The following POU6F2 variants were observed in gnomAD, a reference collection of about 807,000 sequenced individuals.
POU6F2 encodes POU class 6 homeobox 2, also known as POU domain, class 6, transcription factor 2.
A neutral mutation model predicts 71.3 loss-of-function variants in POU6F2; 31 were observed. That is an observed-to-expected ratio of 0.43 (90% confidence interval 0.33 to 0.59). POU6F2 has a LOEUF of 0.59. POU6F2 is among the 20% of genes least tolerant of loss of function. The pLI is 0.04. For synonymous variants in POU6F2, 347 were observed against 355.7 expected, an observed-to-expected ratio of 0.98 and a Z score of 0.27; for missense variants, 783 against 856.8, an observed-to-expected ratio of 0.91 and a Z score of 1.07.
chr7:39,124,602 A>C (rs1792108734), intron 2 of POU6F2, among the ~76,000 whole-genome samples: 1 of 152,182 alleles, frequency 6.6e-6, no homozygotes, highest in Non-Finnish European at 1.5e-5. Flanking sequence ...GGGCTTAAAC[A>C]CTCATACTGA....
At chr7:39,048,200 C>A in intron 1 of POU6F2, among the ~76,000 whole-genome samples, 1 of 151,690 alleles carries the variant, frequency 6.6e-6, no homozygotes, top group Non-Finnish European at 1.5e-5. Flanking sequence ...TACAAATTTT[C>A]TCTCTTTTTT....
intron 5 of POU6F2, among the ~76,000 whole-genome samples, chr7:39,378,834 T>C (rs1325992200): frequency 2.0e-5 from 3 of 152,246 alleles, no homozygotes; most frequent in Non-Finnish European, 4.4e-5. Context: ...CATGTGCATA[T>C]AGAAGTGTCT....
At chr7:39,039,748 T>C (rs780101746) in intron 1 of POU6F2, among the ~76,000 whole-genome samples, 1 of 151,292 alleles carries the variant, frequency 6.6e-6, no homozygotes, top group Non-Finnish European at 1.5e-5. Flanking sequence ...GAATCTAGTA[T>C]CCCATGAAAG....
chr7:39,123,702 A>C (rs899252603), intron 2 of POU6F2, among the ~76,000 whole-genome samples: 1 of 151,932 alleles, frequency 6.6e-6, no homozygotes, highest in Non-Finnish European at 1.5e-5. Context: ...TAAGGCTTCT[A>C]TTATGACTGC....
intron 5 of POU6F2, among the ~76,000 whole-genome samples, chr7:39,387,344 C>T (rs1786967754): frequency 6.6e-6 from 1 of 152,184 alleles, no homozygotes; most frequent in African/African-American, 2.4e-5. Context: ...AGTTTTTTGT[C>T]TAATACGTGT....
intron 2 of POU6F2, among the ~76,000 whole-genome samples, chr7:39,171,519 T>C (rs1205528802): frequency 2.6e-5 from 4 of 152,200 alleles, no homozygotes; most frequent in Non-Finnish European, 5.9e-5. Flanking sequence ...TCTCTCAGTA[T>C]TGTCTATCTT....
chr7:39,057,980 C>G (rs1790570846), intron 1 of POU6F2, among the ~76,000 whole-genome samples: 1 of 152,146 alleles, frequency 6.6e-6, no homozygotes, highest in African/African-American at 2.4e-5. Flanking sequence ...TCCTGGATGA[C>G]CAGAAATGTT....
Position 39,373,576 on chromosome 7 carries a change from T to C in POU6F2, c.973-33024T>C, listed in dbSNP as rs148377694. ...GATTCAGAACCAAGCACACAGAAAGTGGAGAACTGCCTACCTAGTCTAGCT... is the reference window on the plus strand; with the variant it reads ...GATTCAGAACCAAGCACACAGAAAGCGGAGAACTGCCTACCTAGTCTAGCT... On this transcript the variant is annotated intron_variant, in intron 5 of 9. Transcript: ENST00000518318. 1.9e-3 allele frequency: 857 copies of C among 456,272 alleles called. 5 individuals are homozygous for C. Among genetic ancestry groups the C allele is most frequent in the African/African-American group, 0.016 (791 of 50,184 alleles). The allele number at this position is 456,272 out of a possible 1,614,324, so 28.3% of individuals were successfully genotyped here.
chr7:39,244,255 G>A (rs966408892), intron 4 of POU6F2, among the ~76,000 whole-genome samples: 3 of 152,170 alleles, frequency 2.0e-5, no homozygotes, highest in African/African-American at 7.2e-5. Context: ...ATTTTAAGGT[G>A]CTTCTAAAAG....
intron 4 of POU6F2, among the ~76,000 whole-genome samples, chr7:39,258,081 G>T (rs1038628210): frequency 6.6e-6 from 1 of 152,090 alleles, no homozygotes; most frequent in Non-Finnish European, 1.5e-5. Flanking sequence ...ATAAATTGAG[G>T]CTGAACATAG....
intron 2 of POU6F2, among the ~76,000 whole-genome samples, chr7:39,195,050 A>G (rs916519176): frequency 5.9e-5 from 9 of 152,210 alleles, no homozygotes; most frequent in Non-Finnish European, 1.3e-4. Context: ...CAGACCAAGA[A>G]CCCAGCGGAA....
At chr7:39,456,616 T>A (rs1468489821) in intron 8 of POU6F2, among the ~76,000 whole-genome samples, 1 of 152,134 alleles carries the variant, frequency 6.6e-6, no homozygotes, top group Non-Finnish European at 1.5e-5. Flanking sequence ...TGGACCCCAT[T>A]TTGAATGGGA....
chr7:38,987,368 A>G (rs1194641876), intron 1 of POU6F2, among the ~76,000 whole-genome samples: 1 of 152,144 alleles, frequency 6.6e-6, no homozygotes, highest in East Asian at 1.9e-4. Flanking sequence ...ACCAAACTCA[A>G]CTGAACAAAA....
chr7:38,981,840 ATG>A (rs1411555743), intron 1 of POU6F2, among the ~76,000 whole-genome samples: 1 of 152,196 alleles, frequency 6.6e-6, no homozygotes, highest in Non-Finnish European at 1.5e-5. Context: ...AGTGCTCAGT[ATG>A]TGTGCATGCA....
At chr7:39,176,715 C>G (rs954354573) in intron 2 of POU6F2, among the ~76,000 whole-genome samples, 1 of 152,158 alleles carries the variant, frequency 6.6e-6, no homozygotes, top group African/African-American at 2.4e-5. Context: ...CAAACACATA[C>G]CCCATATCTT....
chr7:39,281,663 A>G (rs1784564789), intron 4 of POU6F2, among the ~76,000 whole-genome samples: 3 of 152,162 alleles, frequency 2.0e-5, no homozygotes, highest in Non-Finnish European at 4.4e-5. Context: ...TTAATATTCC[A>G]TTGTGTGTAT....
intron 4 of POU6F2, among the ~76,000 whole-genome samples, chr7:39,336,654 G>C (rs1211879617): frequency 6.6e-6 from 1 of 152,096 alleles, no homozygotes; most frequent in Non-Finnish European, 1.5e-5. Flanking sequence ...GTCTACTCCA[G>C]CTCCCAGACA....
At chr7:39,406,305 CCCCAGAAGG>C in intron 5 of POU6F2, 1 of 387,644 alleles carries the variant, frequency 2.6e-6, no homozygotes, top group South Asian at 3.8e-5. Context: ...CATTTCTCCA[CCCCAGAAGG>C]TCCTAACAGC....
chr7:39,319,138 C>T (rs1435413181), intron 4 of POU6F2, among the ~76,000 whole-genome samples: 3 of 152,128 alleles, frequency 2.0e-5, no homozygotes, highest in Admixed American at 1.3e-4. Flanking sequence ...CTCATAAAAA[C>T]AAAACAAAAC....
Sources: gnomAD v4.1 joint callset for allele counts (sites outside exome capture counted in the v4.1 genomes callset) on GRCh38, gnomAD v4.1.1 for gene constraint, MANE v1.5 for transcripts, NCBI Gene and HGNC (gene_info 2026-07-23, HGNC 2026-07-21) for gene names.